Variants in LIMD1 observed in about 807,000 individuals in gnomAD.
LIMD1 encodes LIM domain containing 1, also known as LIM domain-containing protein 1.
A neutral mutation model predicts 58.4 loss-of-function variants in LIMD1; 23 were observed. That is an observed-to-expected ratio of 0.39 (90% CI 0.28 to 0.56). The LOEUF is 0.56. Ranked by LOEUF, LIMD1 falls within the 20% of genes least tolerant of loss-of-function variation. LIMD1 has a pLI of 0.57. For missense variants in LIMD1, 838 were observed against 855.5 expected (o/e 0.98, Z 0.25); for synonymous variants, 334 against 345.5 (o/e 0.97, Z 0.37).
At chr3:45,649,589 C>T (rs1304001542) in intron 2 of LIMD1, among the ~76,000 whole-genome samples, 2 of 149,444 alleles carry the variant, frequency 1.3e-5, no homozygotes, top group African/African-American at 4.9e-5. Context: ...GCTGAGGCAG[C>T]AGAATGGCGT....
intron 1 of LIMD1, among the ~76,000 whole-genome samples, chr3:45,596,965 A>C (rs1342386927): frequency 1.3e-5 from 2 of 150,018 alleles, no homozygotes; most frequent in Non-Finnish European, 3.0e-5. Flanking sequence ...GGGTTCAAGC[A>C]ATTCTCCTGC....
At chr3:45,627,020 A>G (rs1300820306) in intron 1 of LIMD1, among the ~76,000 whole-genome samples, 1 of 152,180 alleles carries the variant, frequency 6.6e-6, no homozygotes, top group Non-Finnish European at 1.5e-5. Context: ...TGATCTTTCA[A>G]AAATCCACTG....
intron 2 of LIMD1, among the ~76,000 whole-genome samples, chr3:45,653,102 T>C (rs543803480): frequency 6.6e-6 from 1 of 152,374 alleles, no homozygotes; most frequent in African/African-American, 2.4e-5. Flanking sequence ...TTGGATTTTA[T>C]GTTTCATTTT....
At chr3:45,649,415 C>T (rs1701939773) in intron 2 of LIMD1, among the ~76,000 whole-genome samples, 1 of 151,670 alleles carries the variant, frequency 6.6e-6, no homozygotes, top group African/African-American at 2.4e-5. Flanking sequence ...GGCGCGGTGG[C>T]TCACGCCTGT....
intron 2 of LIMD1, among the ~76,000 whole-genome samples, chr3:45,662,046 C>A (rs1697448864): frequency 6.6e-6 from 1 of 152,220 alleles, no homozygotes; most frequent in East Asian, 1.9e-4. Context: ...GTGTGAGCCA[C>A]TGTGCCTGGC....
rs1697694592 is a variant in LIMD1, at chr3:45,678,018, CAAG to C, written c.*960_*962del. On this transcript the variant is annotated 3_prime_UTR_variant, in exon 8 of 8. Transcript: ENST00000273317. ...ATACTGAGAGACAGCTTCTTATAAA[CAAG>C]GAGAGTTTTTGTGTGTGCGAGATCT... 1 of 152,400 alleles carries C rather than the reference CAAG, an allele frequency of 6.6e-6. No individual in the cohort carries two copies. The highest frequency in any genetic ancestry group is 2.4e-5 in the African/African-American group (1 of 41,428). 9.4% of individuals were successfully genotyped at this position (152,400 alleles called of 1,614,324 possible).
chr3:45,598,106 C>G (rs1701375159), intron 1 of LIMD1, among the ~76,000 whole-genome samples: 1 of 152,040 alleles, frequency 6.6e-6, no homozygotes, highest in South Asian at 2.1e-4. Flanking sequence ...GTAGCTAGGA[C>G]TACTTAAGAG....
chr3:45,609,966 G>A (rs906452114), intron 1 of LIMD1, among the ~76,000 whole-genome samples: 6 of 152,164 alleles, frequency 3.9e-5, no homozygotes, highest in African/African-American at 9.7e-5. Flanking sequence ...GGCCGAGGTG[G>A]GCAGATCACA....
intron 1 of LIMD1, among the ~76,000 whole-genome samples, chr3:45,600,512 C>T (rs1575340772): frequency 6.6e-6 from 1 of 152,150 alleles, no homozygotes; most frequent in Non-Finnish European, 1.5e-5. Flanking sequence ...GGCCTACTTC[C>T]TCCTCCAGCC....
chr3:45,606,549 C>CACCTAA (rs1701469991), intron 1 of LIMD1, among the ~76,000 whole-genome samples: 1 of 152,232 alleles, frequency 6.6e-6, no homozygotes, highest in Non-Finnish European at 1.5e-5. Flanking sequence ...TGCCTCCCTG[C>CACCTAA]AGGGCAGTGG....
chr3:45,629,888 G>A (rs1174379948), intron 1 of LIMD1, among the ~76,000 whole-genome samples: 1 of 152,242 alleles, frequency 6.6e-6, no homozygotes, highest in East Asian at 1.9e-4. Context: ...CCTGTGAGAG[G>A]GACAAGGGAA....
intron 2 of LIMD1, among the ~76,000 whole-genome samples, chr3:45,641,558 G>T (rs1701842816): frequency 6.7e-6 from 1 of 150,200 alleles, no homozygotes; most frequent in South Asian, 2.1e-4. Context: ...GCATATGGAG[G>T]TATCTGTTGG....
intron 2 of LIMD1, among the ~76,000 whole-genome samples, chr3:45,654,920 A>ATT (rs199987395): frequency 3.3e-4 from 46 of 140,602 alleles, no homozygotes; most frequent in Middle Eastern, 3.6e-3. Context: ...TTATCAGTCA[A>ATT]TTTTTTTTTT....
At chr3:45,648,249 TACTC>T (rs1701927372) in intron 2 of LIMD1, among the ~76,000 whole-genome samples, 1 of 152,186 alleles carries the variant, frequency 6.6e-6, no homozygotes, top group South Asian at 2.1e-4. Context: ...TTCACCTCCT[TACTC>T]ACCTTCCCTC....
chr3:45,632,592 T>A (rs1000745601), intron 1 of LIMD1: 8 of 967,150 alleles, frequency 8.3e-6, no homozygotes, highest in Non-Finnish European at 9.8e-6. Flanking sequence ...TGCAGGGAAC[T>A]ATGTGGAATG....
In LIMD1 at chr3:45,665,714, C is replaced by T. The variant is rs1364059831; in HGVS notation, c.1575C>T (p.Phe525=). The change falls in exon 3 of 8, where the codon TTC becomes TTT. Residue 525 remains phenylalanine (F), a synonymous_variant. Transcript: ENST00000273317. The part of the protein sequence containing the change: ...VNGKVFCEED[F]LYSGFQQSAD... ...GCAAAGTGTTTTGTGAAGAAGACTT[C>T]CTGGTGAGTGTGTCACCGAAGCCTC... The T allele has an allele frequency of 6.2e-7, 1 of 1,613,856 alleles. No individual in the cohort carries two copies. Among genetic ancestry groups the T allele is most frequent in the African/African-American group, 1.3e-5 (1 of 75,042 alleles).
chr3:45,675,967 A>C (rs1697662303), intron 7 of LIMD1, among the ~76,000 whole-genome samples: 2 of 152,210 alleles, frequency 1.3e-5, no homozygotes, highest in Admixed American at 1.3e-4. Context: ...AAAGTAAAAA[A>C]TCCTGCTGGG....
intron 1 of LIMD1, among the ~76,000 whole-genome samples, chr3:45,622,507 A>G (rs896774412): frequency 1.3e-5 from 2 of 152,166 alleles, no homozygotes; most frequent in Non-Finnish European, 2.9e-5. Flanking sequence ...TTATAGCACA[A>G]TTATAGCAGT....
At chr3:45,650,799 C>T (rs530668471) in intron 2 of LIMD1, among the ~76,000 whole-genome samples, 3 of 152,088 alleles carry the variant, frequency 2.0e-5, no homozygotes, top group Non-Finnish European at 2.9e-5. Flanking sequence ...ATAAACATAA[C>T]GTGTGCGTGT....
Sources: allele counts gnomAD v4.1 joint callset (sites outside exome capture counted in the v4.1 genomes callset), GRCh38; gene constraint gnomAD v4.1.1; transcripts MANE v1.5; gene names NCBI Gene and HGNC (gene_info 2026-07-23, HGNC 2026-07-21).